The following FILIP1 variants were observed in gnomAD, a reference collection of about 807,000 sequenced individuals.
FILIP1 encodes filamin-A-interacting protein 1.
A neutral mutation model predicts 102.1 loss-of-function variants in FILIP1; 61 were observed. The observed-to-expected ratio is 0.60, with a 90% CI of 0.49 to 0.74. FILIP1 has a LOEUF of 0.74. FILIP1 is among the 30% of genes least tolerant of loss of function. FILIP1 has a pLI of 0.00. For synonymous variants in FILIP1, 491 were observed against 526.9 expected, an observed-to-expected ratio of 0.93 and a Z score of 0.93; for missense variants, 1,314 against 1,441.2, an observed-to-expected ratio of 0.91 and a Z score of 1.43.
chr6:75,386,643 T>G (rs1776104358), intron 2 of FILIP1, among the ~76,000 whole-genome samples: 1 of 152,170 alleles, frequency 6.6e-6, no homozygotes, highest in South Asian at 2.1e-4. Flanking sequence ...CATCTCTTCC[T>G]GAGGTGTCTG....
intron 4 of FILIP1, among the ~76,000 whole-genome samples, chr6:75,346,915 ATTCTAATTCCTCTTCT>A (rs1482420249): frequency 4.6e-5 from 7 of 152,200 alleles, no homozygotes. Flanking sequence ...GGGCCTCTGA[ATTCTAATTCCTCTTCT>A]TTCTTGAAAA....
chr6:75,348,058 G>GTT (rs1774651976), intron 4 of FILIP1, among the ~76,000 whole-genome samples: 1 of 62,808 alleles, frequency 1.6e-5, no homozygotes, highest in African/African-American at 6.8e-5. Context: ...CTCCACATCA[G>GTT]TTATACACAC....
rs144029973 is a variant in FILIP1, at chr6:75,312,680, C to T, written c.3152G>A (p.Arg1051Gln). ...GATATTGGCATTGGAGTTGTATTTC[C>T]GTACTGGAGTTGGAACAGTCTGTTT... The part of the protein sequence containing the change: ...PEKQTVPTPV[R>Q]KYNSNANIIT... The change falls in exon 5 of 6, where the codon CGG (arginine) becomes CAG (glutamine). Residue 1051 changes from arginine to glutamine, a missense_variant. Physicochemically the swap from Arg to Gln is conservative, Grantham distance 43. Coordinates refer to ENST00000237172, the MANE Select transcript of FILIP1 (RefSeq NM_015687.5). 5.0e-6 allele frequency: 8 copies of T among 1,613,984 alleles called. No individual in the cohort carries two copies. Among genetic ancestry groups the T allele is most frequent in the African/African-American group, 4.0e-5 (3 of 74,888 alleles).
chr6:75,415,710 C>G (rs771634645), intron 1 of FILIP1, among the ~76,000 whole-genome samples: 2 of 151,770 alleles, frequency 1.3e-5, no homozygotes, highest in Non-Finnish European at 2.9e-5. Flanking sequence ...AATAAGAGCA[C>G]AAAGAATTGG....
At chr6:75,391,993 C>T (rs1158596487) in intron 2 of FILIP1, among the ~76,000 whole-genome samples, 1 of 152,120 alleles carries the variant, frequency 6.6e-6, no homozygotes, top group Non-Finnish European at 1.5e-5. Context: ...ATGGTCAACT[C>T]TCACTCCTCA....
intron 4 of FILIP1, among the ~76,000 whole-genome samples, chr6:75,323,562 T>C (rs927757172): frequency 6.6e-6 from 1 of 152,122 alleles, no homozygotes; most frequent in Non-Finnish European, 1.5e-5. Flanking sequence ...GAGCTGACAT[T>C]TCAGGTGGTG....
chr6:75,335,901 C>T (rs530518437), intron 4 of FILIP1, among the ~76,000 whole-genome samples: 1 of 152,260 alleles, frequency 6.6e-6, no homozygotes, highest in South Asian at 2.1e-4. Context: ...ATATGTCTAA[C>T]CTCTCAATAG....
At chr6:75,407,471 C>T (rs1776907276) in intron 2 of FILIP1, among the ~76,000 whole-genome samples, 1 of 152,138 alleles carries the variant, frequency 6.6e-6, no homozygotes, top group South Asian at 2.1e-4. Flanking sequence ...TGTGATCCGC[C>T]CACCTCGGCC....
At chr6:75,432,595 G>A (rs1305287096) in intron 1 of FILIP1, among the ~76,000 whole-genome samples, 1 of 152,130 alleles carries the variant, frequency 6.6e-6, no homozygotes, top group Non-Finnish European at 1.5e-5. Context: ...TCTGCAAAAT[G>A]TTACTATGCA....
Position 75,314,955 on chromosome 6 carries a change from T to C in FILIP1, c.877A>G (p.Arg293Gly). The C allele has an allele frequency of 6.2e-7, 1 of 1,614,196 alleles. No individual in the cohort carries two copies. The highest frequency in any genetic ancestry group is 8.5e-7 in the Non-Finnish European group (1 of 1,180,016). The change falls in exon 5 of 6, where the codon AGA becomes GGA. Residue 293 changes from arginine to glycine, a missense_variant. Transcript: ENST00000237172. ...KAITSKSKED[R>G]QKLLKLEVDF... ...ACTTCTAACTTGAGCAATTTCTGTC[T>C]GTCTTCTTTGGATTTGGAAGTAATG... is the stretch of plus-strand genomic sequence containing the variant.
At chr6:75,466,825 T>A (rs12202178) in intron 1 of FILIP1, among the ~76,000 whole-genome samples, 97,066 of 152,004 alleles carry the variant, frequency 0.64, 31,341 homozygotes, top group African/African-American at 0.68. Context: ...TAATTTCCAT[T>A]TTCTATTTTA....
intron 2 of FILIP1, among the ~76,000 whole-genome samples, chr6:75,403,524 A>AAAAAAAAAAG (rs55907855): frequency 0.013 from 1,777 of 134,700 alleles, 80 homozygotes; most frequent in South Asian, 0.064. Context: ...CAAAAAAAAA[A>AAAAAAAAAAG]AAAAAAGAAA....
intron 4 of FILIP1, among the ~76,000 whole-genome samples, chr6:75,329,962 T>C (rs1774016981): frequency 6.6e-6 from 1 of 152,118 alleles, no homozygotes; most frequent in Non-Finnish European, 1.5e-5. Flanking sequence ...TTACCTCATT[T>C]CCTCAATATG....
chr6:75,301,581 C>A (rs531228575), intron 6 of FILIP1, among the ~76,000 whole-genome samples: 1 of 152,136 alleles, frequency 6.6e-6, no homozygotes, highest in South Asian at 2.1e-4. Flanking sequence ...GTAGAGAGGC[C>A]AAAAGTACTT....
chr6:75,314,784 TG>T lies in FILIP1; in HGVS notation c.1047del (p.Asn349LysfsTer14), dbSNP rs771543313. 88 of 1,614,006 alleles carry T rather than the reference TG, an allele frequency of 5.5e-5. No individual in the cohort carries two copies. Among genetic ancestry groups the T allele is most frequent in the Non-Finnish European group, 1.0e-5 (12 of 1,180,014 alleles). ...TCTTCCTCTGCCTTCTGCAGATTTT[TG>T]TTGGTCTCTTCTAGCTCCTCGATTC... ...TQRIEELEET[N>X]KNLQKAEEEL... is the part of the protein sequence containing the mutation. On this transcript the variant is annotated frameshift_variant, in exon 5 of 6. Coordinates refer to ENST00000237172, the MANE Select transcript of FILIP1 (RefSeq NM_015687.5). LOFTEE classifies it high-confidence loss of function.
intron 4 of FILIP1, chr6:75,319,878 C>T: frequency 6.6e-6 from 3 of 456,780 alleles, no homozygotes; most frequent in Non-Finnish European, 1.2e-5. Context: ...TTGACTGAAG[C>T]ACCTGGGTGC....
chr6:75,293,700 T>G (rs963073818), exon 7 of FILIP1: 1 of 152,192 alleles, frequency 6.6e-6, no homozygotes, highest in African/African-American at 2.4e-5. Context: ...ATTTAAAATC[T>G]TATCCTCTAA....
At chr6:75,360,304 T>C (rs1380027283) in intron 3 of FILIP1, among the ~76,000 whole-genome samples, 1 of 152,220 alleles carries the variant, frequency 6.6e-6, no homozygotes, top group Non-Finnish European at 1.5e-5. Flanking sequence ...CTAGAGACTC[T>C]CTTGTATTTT....
intron 1 of FILIP1, among the ~76,000 whole-genome samples, chr6:75,470,378 T>C (rs988306105): frequency 2.6e-5 from 4 of 152,136 alleles, no homozygotes; most frequent in East Asian, 1.9e-4. Flanking sequence ...ACAGAAAATT[T>C]ATAGAAAGTA....
Sources: gnomAD v4.1 joint callset for allele counts (sites outside exome capture counted in the v4.1 genomes callset) on GRCh38, gnomAD v4.1.1 for gene constraint, MANE v1.5 for transcripts, NCBI Gene and HGNC (gene_info 2026-07-23, HGNC 2026-07-21) for gene names.